Variants in CRTAC1 observed in about 807,000 individuals in gnomAD.
CRTAC1 encodes cartilage acidic protein 1, also known as acidic secreted protein in cartilage.
A neutral mutation model predicts 67.8 loss-of-function variants in CRTAC1; 37 were observed. The observed-to-expected ratio is 0.55, with a 90% CI of 0.42 to 0.72. CRTAC1 has a LOEUF of 0.72. Ranked by LOEUF, CRTAC1 falls within the 30% of genes least tolerant of loss-of-function variation. The pLI is 0.00. For missense variants in CRTAC1, 780 were observed against 931.6 expected (o/e 0.84, Z 2.12); for synonymous variants, 348 against 371.0 (o/e 0.94, Z 0.71).
chr10:97,954,078 G>A (rs985319918), intron 2 of CRTAC1, among the ~76,000 whole-genome samples: 17 of 152,190 alleles, frequency 1.1e-4, no homozygotes, highest in African/African-American at 3.9e-4. Context: ...CATCTTTGCA[G>A]CTGAGGAGCG....
chr10:98,017,525 T>C (rs1039026215), intron 1 of CRTAC1, among the ~76,000 whole-genome samples: 29 of 152,102 alleles, frequency 1.9e-4, no homozygotes, highest in African/African-American at 6.8e-4. Flanking sequence ...GAATTGTTTT[T>C]TAATAATAAT....
intron 2 of CRTAC1, among the ~76,000 whole-genome samples, chr10:97,999,726 T>C (rs1842651484): frequency 6.6e-6 from 1 of 152,208 alleles, no homozygotes; most frequent in Non-Finnish European, 1.5e-5. Context: ...TGGTGCCTTT[T>C]CTGGGCCTGC....
chr10:97,953,793 A>G (rs1487972176), intron 2 of CRTAC1, among the ~76,000 whole-genome samples: 2 of 152,136 alleles, frequency 1.3e-5, no homozygotes, highest in South Asian at 2.1e-4. Context: ...TTTTTACCCA[A>G]CCATAATGTG....
chr10:97,936,171 C>G lies in CRTAC1; in HGVS notation c.420G>C (p.Ser140=), dbSNP rs748076089. The G allele has an allele frequency of 1.2e-6, 2 of 1,601,438 alleles. No individual in the cohort carries two copies. Among genetic ancestry groups the G allele is most frequent in the Non-Finnish European group, 1.7e-6 (2 of 1,170,876 alleles). Residue 140 remains serine, a splice_region_variant and synonymous_variant, in exon 3 of 15, where the codon TCG becomes TCC. Coordinates refer to ENST00000370597, the MANE Select transcript of CRTAC1 (RefSeq NM_018058.7). ...IYFLNTNNAF[S]GVATYTDKLF... is the part of the protein sequence containing the mutation. ...AGAGGCCTGAGCCCCAGCCCTTACC[C>G]GAGAAGGCATTATTGGTGTTGAGGA...
At chr10:98,024,399 C>T (rs1843183121) in intron 1 of CRTAC1, among the ~76,000 whole-genome samples, 1 of 152,198 alleles carries the variant, frequency 6.6e-6, no homozygotes, top group African/African-American at 2.4e-5. Flanking sequence ...TAATGACACA[C>T]CTTCCCATCC....
chr10:97,940,997 C>T (rs2051165407), intron 2 of CRTAC1, among the ~76,000 whole-genome samples: 1 of 152,140 alleles, frequency 6.6e-6, no homozygotes, highest in East Asian at 1.9e-4. Context: ...TTTCTTTATT[C>T]CCATGTAAAA....
At chr10:97,957,421 A>G (rs529671994) in intron 2 of CRTAC1, among the ~76,000 whole-genome samples, 1 of 152,314 alleles carries the variant, frequency 6.6e-6, no homozygotes, top group South Asian at 2.1e-4. Flanking sequence ...TTGAGGGCTT[A>G]CTATAAGCCA....
chr10:97,874,191 G>A (rs1352023860), intron 14 of CRTAC1, among the ~76,000 whole-genome samples: 1 of 152,148 alleles, frequency 6.6e-6, no homozygotes, highest in African/African-American at 2.4e-5. Context: ...CTCCTTTTTG[G>A]GCCTTGGTTT....
chr10:98,018,659 G>C (rs1383757993), intron 1 of CRTAC1, among the ~76,000 whole-genome samples: 1 of 152,160 alleles, frequency 6.6e-6, no homozygotes, highest in Non-Finnish European at 1.5e-5. Flanking sequence ...GGGGCAAACA[G>C]TTCTTTTGCA....
In CRTAC1 at chr10:97,971,266, A is replaced by G. The variant is rs115659306; in HGVS notation, c.225-34900T>C. Among the ~76,000 whole-genome samples the G allele has an allele frequency of 3.1e-3, 465 of 152,338 alleles. 1 individual carries two copies. The highest frequency in any genetic ancestry group is 0.01 in the African/African-American group (434 of 41,582). ...TTCAGATAAAAGCTTATGCACCCCA[A>G]TGGATGAATGCATAAACAAAATGTG... On this transcript the variant is annotated intron_variant, in intron 2 of 14. Transcript: ENST00000370597.
chr10:97,867,854 C>G (rs1467297566), intron 14 of CRTAC1: 1 of 152,286 alleles, frequency 6.6e-6, no homozygotes, highest in African/African-American at 2.4e-5. Flanking sequence ...ACATGGGGAG[C>G]AGGATGAACT....
intron 5 of CRTAC1, among the ~76,000 whole-genome samples, chr10:97,912,145 A>T (rs996870235): frequency 6.6e-6 from 1 of 152,226 alleles, no homozygotes; most frequent in African/African-American, 2.4e-5. Flanking sequence ...GCTGTCATAA[A>T]TATTAAGTGA....
chr10:97,895,302 T>A lies in CRTAC1; in HGVS notation c.1429A>T (p.Ile477Phe). Reference sequence around the variant, plus strand: ...CACAGGTAGCCTGAGCCCCCGTCGATGATCCTCAGGTGGGCCCCACTCTTC... The same window carrying A: ...CACAGGTAGCCTGAGCCCCCGTCGAAGATCCTCAGGTGGGCCCCACTCTTC... ...TKKSGAHLRI[I>F]DGGSGYLCEM... Residue 477 changes from isoleucine to phenylalanine, a missense_variant, in exon 11 of 15, where the codon ATC becomes TTC. Coordinates refer to ENST00000370597, the MANE Select transcript of CRTAC1 (RefSeq NM_018058.7). This position sits in a 1 kb window ranked among gnomAD's most constrained non-coding sequence, Gnocchi z 4.2. 1 of 1,613,784 alleles carries A rather than the reference T, an allele frequency of 6.2e-7. No individual in the cohort carries two copies. Among genetic ancestry groups the A allele is most frequent in the Non-Finnish European group, 8.5e-7 (1 of 1,179,998 alleles).
At chr10:97,979,614 T>TA (rs1377868154) in intron 2 of CRTAC1, among the ~76,000 whole-genome samples, 1 of 152,194 alleles carries the variant, frequency 6.6e-6, no homozygotes, top group Non-Finnish European at 1.5e-5. Flanking sequence ...AGTGTTTTTT[T>TA]AGAGTAAGTC....
chr10:98,001,802 A>G (rs1842694128), intron 2 of CRTAC1, among the ~76,000 whole-genome samples: 1 of 152,194 alleles, frequency 6.6e-6, no homozygotes, highest in African/African-American at 2.4e-5. Flanking sequence ...AATAACCTCA[A>G]AAGTTTCCTT....
rs180756104 is a variant in CRTAC1 at position 98,011,108 on chromosome 10, T to C, written c.224+30A>G. On this transcript the variant is annotated intron_variant, in intron 2 of 14. Coordinates refer to ENST00000370597, the MANE Select transcript of CRTAC1 (RefSeq NM_018058.7). The stretch of plus-strand genomic sequence containing the variant: ...TTATTACAGCAAAATCTGATTAATA[T>C]CTGTCACACTGAGGGTGGGAGGCAC... 1.5e-3 allele frequency: 2,378 copies of C among 1,596,070 alleles called. 9 individuals are homozygous for C. Among genetic ancestry groups the C allele is most frequent in the Non-Finnish European group, 1.4e-3 (1,658 of 1,163,790 alleles).
intron 2 of CRTAC1, among the ~76,000 whole-genome samples, chr10:97,992,081 T>G (rs949871925): frequency 1.3e-4 from 20 of 152,162 alleles, no homozygotes; most frequent in African/African-American, 3.9e-4. Flanking sequence ...GGTGCTGAAA[T>G]GTTTTAACCA....
chr10:97,914,581 C>T (rs1217593143), intron 5 of CRTAC1, among the ~76,000 whole-genome samples: 1 of 152,216 alleles, frequency 6.6e-6, no homozygotes, highest in Non-Finnish European at 1.5e-5. Context: ...ACCCTGTCCC[C>T]TCACCTGCTA....
rs775016793 is a variant in CRTAC1, at chr10:97,908,051, C to G, written c.812G>C (p.Arg271Pro). 9.9e-6 allele frequency: 16 copies of G among 1,614,050 alleles called. No homozygotes were observed. Among genetic ancestry groups the G allele is most frequent in the Non-Finnish European group, 5.1e-6 (6 of 1,180,030 alleles). ...AGCGTCCACAAAGGTGCCATCGCCC[C>G]GGTTGTGGAAAAGGAAGTTAGGCCC... is the stretch of plus-strand genomic sequence containing the variant. ...ENGPNFLFHN[R>P]GDGTFVDAAA... Residue 271 changes from arginine to proline, a missense_variant, in exon 6 of 15, where the codon CGG (arginine) becomes CCG (proline). Physicochemically the swap from Arg to Pro is moderately radical, Grantham distance 103 (BLOSUM62 -2). Transcript: ENST00000370597.
Sources: allele counts gnomAD v4.1 joint callset (sites outside exome capture counted in the v4.1 genomes callset), GRCh38; gene constraint gnomAD v4.1.1; non-coding constraint Gnocchi (gnomAD v3.1); transcripts MANE v1.5; gene names NCBI Gene and HGNC (gene_info 2026-07-23, HGNC 2026-07-21).